The following CPA6 variants were observed in gnomAD, a reference collection of about 807,000 sequenced individuals.
CPA6 encodes the protein carboxypeptidase B.
In CPA6, 58 loss-of-function variants were observed where a neutral mutation model predicts 63.3. That is an observed-to-expected ratio of 0.92 (90% CI 0.74 to 1.14). The LOEUF (loss-of-function observed/expected upper bound fraction) is 1.14, where lower values mean the gene tolerates loss of function less well. Ranked by LOEUF, CPA6 falls within the 50% of genes most tolerant of loss-of-function variation. The pLI is 0.00. For missense variants in CPA6, 565 were observed against 526.6 expected (o/e 1.07, Z -0.71); for synonymous variants, 185 against 179.0 (o/e 1.03, Z -0.27).
intron 2 of CPA6, among the ~76,000 whole-genome samples, chr8:67,574,810 G>A (rs1372604908): frequency 6.6e-6 from 1 of 150,874 alleles, no homozygotes; most frequent in Non-Finnish European, 1.5e-5. Context: ...AAAACTACAT[G>A]ATATTTCTCC....
intron 1 of CPA6, among the ~76,000 whole-genome samples, chr8:67,682,680 C>T (rs1816622020): frequency 6.6e-6 from 1 of 152,184 alleles, no homozygotes; most frequent in Non-Finnish European, 1.5e-5. Context: ...AATTTGACTT[C>T]TTTAAGGCTT....
rs140753668 is a variant in CPA6 at position 67,721,851 on chromosome 8, C to T, written c.116+24163G>A. ...TGTTTAGCCTAAAGCTGCCTCTTTACGTGTCTTAAAGGTTTCTCCGTACAT... is the reference window on the plus strand; with the variant it reads ...TGTTTAGCCTAAAGCTGCCTCTTTATGTGTCTTAAAGGTTTCTCCGTACAT... On this transcript the variant is annotated intron_variant, in intron 1 of 10. Transcript: ENST00000297770. Among the ~76,000 whole-genome samples, 639 of 152,276 alleles carry T rather than the reference C, an allele frequency of 4.2e-3. 1 individual carries two copies. The highest frequency in any genetic ancestry group is 0.015 in the African/African-American group (614 of 41,558).
chr8:67,426,969 G>A (rs1349551188), intron 10 of CPA6, among the ~76,000 whole-genome samples: 1 of 152,158 alleles, frequency 6.6e-6, no homozygotes, highest in South Asian at 2.1e-4. Context: ...ATTCTTTGTC[G>A]AAGTTCTTGC....
intron 1 of CPA6, among the ~76,000 whole-genome samples, chr8:67,715,908 C>G (rs1817366913): frequency 6.6e-6 from 1 of 152,094 alleles, no homozygotes; most frequent in Admixed American, 6.5e-5. Context: ...AATCCCAACA[C>G]TTTGGGAGGC....
At chr8:67,724,416 T>C (rs1208902232) in intron 1 of CPA6, among the ~76,000 whole-genome samples, 2 of 152,216 alleles carry the variant, frequency 1.3e-5, no homozygotes, top group Non-Finnish European at 2.9e-5. Context: ...AGCAGCTCAA[T>C]GCTTCTTGAA....
At chr8:67,644,312 G>C (rs1021650953) in intron 1 of CPA6, among the ~76,000 whole-genome samples, 1 of 152,082 alleles carries the variant, frequency 6.6e-6, no homozygotes, top group African/African-American at 2.4e-5. Flanking sequence ...TAGAGACGGC[G>C]TTTCACCATG....
At position 67,684,030 on chromosome 8, in the gene CPA6, T is replaced by TAA. The variant is rs1554533820; in HGVS notation, c.117-59781_117-59780dup. On this transcript the variant is annotated intron_variant, in intron 1 of 10. Coordinates refer to ENST00000297770, the MANE Select transcript of CPA6 (RefSeq NM_020361.5). ...ATATATATATATATATATATATATA[T>TAA]AATTTTTATTTTATTTATTTATTTA... Among the ~76,000 whole-genome samples, 5 of 133,472 alleles carry TAA rather than the reference T, an allele frequency of 3.7e-5. No individual in the cohort carries two copies. In the East Asian group the frequency reaches 9.2e-4, roughly 24 times the overall value. 87.6% of individuals were successfully genotyped at this position (133,472 alleles called of 152,430 possible).
rs1564021393 is a variant in CPA6, at chr8:67,607,222, CTTCTTCTTCTTCTTCTTCTTCTTCTTCTT to C, written c.192+16925_192+16953del. 1.9e-3 allele frequency among the ~76,000 whole-genome samples: 208 copies of C among 111,662 alleles called. 15 individuals are homozygous for C. The highest frequency in any genetic ancestry group is 7.9e-3 in the South Asian group (23 of 2,916). The allele number at this position is 111,662 out of a possible 152,430, so 73.3% of individuals were successfully genotyped here. ...TCTTCTTCTTCTTCTTCTTCTTCTT[CTTCTTCTTCTTCTTCTTCTTCTTCTTCTT>C]CTCCTCCTCCTCCTTTCTTCTTTCT... is the stretch of plus-strand genomic sequence containing the variant. On this transcript the variant is annotated intron_variant, in intron 2 of 10. Transcript: ENST00000297770.
rs371224596 is a variant in CPA6 at position 67,638,916 on chromosome 8, C to T, written c.117-14665G>A. On this transcript the variant is annotated intron_variant, in intron 1 of 10. Coordinates refer to ENST00000297770, the MANE Select transcript of CPA6 (RefSeq NM_020361.5). The stretch of plus-strand genomic sequence containing the variant: ...GGACCTTAGCCTGTGATGTGCCCTG[C>T]CCCTAGGGTCCCAAAACAAATGCAG... Among the ~76,000 whole-genome samples, 47 of 151,092 alleles carry T rather than the reference C, an allele frequency of 3.1e-4. 1 individual carries two copies. Among genetic ancestry groups the T allele is most frequent in the East Asian group, 3.1e-3 (16 of 5,188 alleles).
intron 6 of CPA6, among the ~76,000 whole-genome samples, chr8:67,496,157 A>C (rs1029892455): frequency 1.3e-5 from 2 of 152,118 alleles, no homozygotes; most frequent in Non-Finnish European, 2.9e-5. Context: ...CTAATTCCTT[A>C]ATTCCTTCAG....
chr8:67,634,451 C>T (rs1160466670), intron 1 of CPA6, among the ~76,000 whole-genome samples: 2 of 151,336 alleles, frequency 1.3e-5, no homozygotes, highest in Non-Finnish European at 2.9e-5. Flanking sequence ...ATCTCCTGAC[C>T]TTGTGATCAG....
rs187432697 is a variant in CPA6, at chr8:67,499,575, G to T, written c.636+7212C>A. Among the ~76,000 whole-genome samples the T allele has an allele frequency of 2.0e-5, 3 of 152,214 alleles. No homozygotes were observed. In the East Asian group the frequency reaches 5.8e-4, roughly 29 times the overall value. ...CATTAGGGTATTGGCATCGATATGG[G>T]CAAGATACAGAACATTTCCATCCTC... On this transcript the variant is annotated intron_variant, in intron 6 of 10. Transcript: ENST00000297770.
In CPA6 at chr8:67,441,988, G is replaced by A. The variant is rs533468497; in HGVS notation, c.839-7748C>T. ...AGTGGGGGAAAAGGACTTTATGTAT[G>A]TTTGGTCATATATAATGAATGTAGA... On this transcript the variant is annotated intron_variant, in intron 8 of 10. Coordinates refer to ENST00000297770, the MANE Select transcript of CPA6 (RefSeq NM_020361.5). Among the ~76,000 whole-genome samples, 8 of 152,172 alleles carry A rather than the reference G, an allele frequency of 5.3e-5. No individual in the cohort carries two copies. In the South Asian group the frequency reaches 1.2e-3, roughly 24 times the overall value.
intron 2 of CPA6, among the ~76,000 whole-genome samples, chr8:67,596,741 C>G (rs1187844297): frequency 6.6e-6 from 1 of 152,186 alleles, no homozygotes. Flanking sequence ...CAGGATTCAA[C>G]TCAGAATCAT....
At chr8:67,699,302 G>C (rs1188844537) in intron 1 of CPA6, among the ~76,000 whole-genome samples, 1 of 152,018 alleles carries the variant, frequency 6.6e-6, no homozygotes, top group Admixed American at 6.6e-5. Context: ...TATAGTCCCA[G>C]CTACTTGGAA....
intron 2 of CPA6, among the ~76,000 whole-genome samples, chr8:67,621,826 C>T (rs1046783969): frequency 2.0e-5 from 3 of 152,162 alleles, no homozygotes; most frequent in Non-Finnish European, 4.4e-5. Context: ...ATCCAAACCC[C>T]ATTTCCTCCC....
intron 1 of CPA6, among the ~76,000 whole-genome samples, chr8:67,647,028 G>A (rs902423140): frequency 6.6e-6 from 1 of 152,180 alleles, no homozygotes; most frequent in African/African-American, 2.4e-5. Flanking sequence ...GGATTACAGG[G>A]AAAGGGAAGA....
intron 1 of CPA6, among the ~76,000 whole-genome samples, chr8:67,731,018 C>A (rs769603920): frequency 2.0e-4 from 31 of 152,166 alleles, no homozygotes; most frequent in Non-Finnish European, 4.0e-4. Flanking sequence ...ACTGGGTGAC[C>A]ATGCTGATTT....
Position 67,624,228 on chromosome 8 carries a change from G to C in CPA6, c.140C>G (p.Pro47Arg), listed in dbSNP as rs981686338. The change falls in exon 2 of 11, where the codon CCC becomes CGC. Residue 47 changes from proline to arginine, a missense_variant. By Grantham distance (103) the Pro-to-Arg change is moderately radical (BLOSUM62 -2). Transcript: ENST00000297770. The part of the protein sequence containing the change: ...YAGDKVIRFI[P>R]KTEEEAYALK... ...TGCATATGCTTCCTCTTCTGTTTTGGGAATAAATCTTATCACTTTATCACT... is the reference window on the plus strand; with the variant it reads ...TGCATATGCTTCCTCTTCTGTTTTGCGAATAAATCTTATCACTTTATCACT... The C allele has an allele frequency of 6.5e-7, 1 of 1,541,914 alleles. No individual in the cohort carries two copies. Among genetic ancestry groups the C allele is most frequent in the African/African-American group, 1.4e-5 (1 of 72,978 alleles).
Sources: allele counts gnomAD v4.1 joint callset (sites outside exome capture counted in the v4.1 genomes callset), GRCh38; gene constraint gnomAD v4.1.1; transcripts MANE v1.5; gene names NCBI Gene and HGNC (gene_info 2026-07-23, HGNC 2026-07-21).